The following SLC16A10 variants were observed in gnomAD, a reference collection of about 807,000 sequenced individuals.
The protein encoded by SLC16A10 is monocarboxylate transporter 10.
Under a neutral mutation model 40.0 loss-of-function variants are expected in SLC16A10, and 27 were observed. The observed-to-expected ratio is 0.67, with a 90% CI of 0.50 to 0.93. The LOEUF is 0.93. Ranked by LOEUF, SLC16A10 falls within the 40% of genes least tolerant of loss-of-function variation. SLC16A10 has a pLI of 0.00. For missense variants in SLC16A10, 529 were observed against 658.2 expected, an observed-to-expected ratio of 0.80 and a Z score of 2.15; for synonymous variants, 213 against 249.8, an observed-to-expected ratio of 0.85 and a Z score of 1.39.
Position 111,095,259 on chromosome 6 carries a change from C to T in SLC16A10, c.343+7164C>T, listed in dbSNP as rs536437956. Among the ~76,000 whole-genome samples the T allele has an allele frequency of 6.6e-5, 10 of 152,290 alleles. No homozygotes were observed. In the East Asian group the frequency reaches 1.9e-3, roughly 29 times the overall value. ...CCTCTGTACCTTTGTGTGTGCCACT[C>T]CTGTCTTCAGTGCGATGGTTGGTCC... On this transcript the variant is annotated intron_variant, in intron 1 of 5. Coordinates refer to ENST00000368851, the MANE Select transcript of SLC16A10 (RefSeq NM_018593.5).
At chr6:111,116,033 C>T (rs1771480615) in intron 1 of SLC16A10, among the ~76,000 whole-genome samples, 1 of 152,016 alleles carries the variant, frequency 6.6e-6, no homozygotes, top group African/African-American at 2.4e-5. Flanking sequence ...GTTTTAATGT[C>T]CTTACTGTTA....
chr6:111,188,287 CTTCT>C (rs1235293170), intron 3 of SLC16A10, among the ~76,000 whole-genome samples: 1 of 151,302 alleles, frequency 6.6e-6, no homozygotes, highest in Non-Finnish European at 1.5e-5. Context: ...CCCTCCCTTC[CTTCT>C]TTCTTCCCTC....
intron 1 of SLC16A10, among the ~76,000 whole-genome samples, chr6:111,138,235 T>C (rs879531371): frequency 4.6e-5 from 7 of 152,206 alleles, no homozygotes; most frequent in Non-Finnish European, 1.0e-4. Flanking sequence ...TATTACTTAG[T>C]AAGAGTTGGA....
chr6:111,196,805 ATTAAT>A (rs1562430115), intron 3 of SLC16A10, among the ~76,000 whole-genome samples: 1 of 152,196 alleles, frequency 6.6e-6, no homozygotes, highest in African/African-American at 2.4e-5. Flanking sequence ...TAATCTAGAG[ATTAAT>A]TAAAGTATAC....
intron 3 of SLC16A10, among the ~76,000 whole-genome samples, chr6:111,183,849 C>T (rs1772847407): frequency 6.6e-6 from 1 of 152,136 alleles, no homozygotes; most frequent in Non-Finnish European, 1.5e-5. Context: ...CTCAAAGAGT[C>T]TGGAGTGGTG....
At chr6:111,098,387 A>G (rs6934341) in intron 1 of SLC16A10, among the ~76,000 whole-genome samples, 125,357 of 152,068 alleles carry the variant, frequency 0.82, 51,768 homozygotes, top group Non-Finnish European at 0.86. Context: ...GTGAGACCCC[A>G]TCTCTACTTT....
chr6:111,177,548 G>T lies in SLC16A10; in HGVS notation c.825G>T (p.Lys275Asn), dbSNP rs1168879277. The T allele has an allele frequency of 6.2e-7, 1 of 1,612,880 alleles. No individual in the cohort carries two copies. Among genetic ancestry groups the T allele is most frequent in the Non-Finnish European group, 8.5e-7 (1 of 1,179,694 alleles). The change falls in exon 3 of 6, where the codon AAG becomes AAT. Residue 275 changes from lysine to asparagine, a missense_variant. Transcript: ENST00000368851. ...GSGSSLFSRK[K>N]FSPPKKIFNF... ...GATCCTCCCTCTTTTCCAGGAAAAA[G>T]TTCAGTCCTCCAAAAAAAATTTTCA...
At chr6:111,136,557 G>A (rs111914634) in intron 1 of SLC16A10, among the ~76,000 whole-genome samples, 26 of 152,312 alleles carry the variant, frequency 1.7e-4, no homozygotes, top group Non-Finnish European at 2.9e-4. Flanking sequence ...CTGTGACTGC[G>A]CACTTGTGCA....
rs1330121654 is a variant in SLC16A10 at position 111,228,532 on chromosome 6, T to G, written c.*6297T>G. On this transcript the variant is annotated 3_prime_UTR_variant, in exon 6 of 6. Coordinates refer to ENST00000368851, the MANE Select transcript of SLC16A10 (RefSeq NM_018593.5). ...ACACTTAGAACTCAAATTAGATTGG[T>G]AATACTATTTTGGAGCCTGTGATGT... is the stretch of plus-strand genomic sequence containing the variant. 1 of 152,214 alleles carries G rather than the reference T, an allele frequency of 6.6e-6. No individual in the cohort carries two copies. The highest frequency in any genetic ancestry group is 1.5e-5 in the Non-Finnish European group (1 of 68,038). The allele number at this position is 152,214 out of a possible 1,614,324, so 9.4% of individuals were successfully genotyped here.
intron 3 of SLC16A10, among the ~76,000 whole-genome samples, chr6:111,190,748 A>G (rs1291311699): frequency 6.6e-6 from 1 of 152,224 alleles, no homozygotes; most frequent in Non-Finnish European, 1.5e-5. Flanking sequence ...TGGTGCAGCT[A>G]GGATACAGTA....
chr6:111,176,659 C>T (rs560719632), intron 2 of SLC16A10, among the ~76,000 whole-genome samples: 12 of 152,326 alleles, frequency 7.9e-5, no homozygotes, highest in Non-Finnish European at 1.8e-4. Flanking sequence ...CAAAAACAGG[C>T]ACAACTGCAC....
At chr6:111,169,887 G>C (rs1422866224) in intron 1 of SLC16A10, among the ~76,000 whole-genome samples, 3 of 150,132 alleles carry the variant, frequency 2.0e-5, no homozygotes, top group Admixed American at 6.7e-5. Flanking sequence ...ACAGAAACTT[G>C]TGCAAGGGTT....
Position 111,224,479 on chromosome 6 carries a change from A to G in SLC16A10, c.*2244A>G, listed in dbSNP as rs551104046. ...ATATTAAAACAGCAGTGACAAGTAT[A>G]TATAACTTAGATCTCAGCATATGTG... is the stretch of plus-strand genomic sequence containing the variant. On this transcript the variant is annotated 3_prime_UTR_variant, in exon 6 of 6. Transcript: ENST00000368851. 6.6e-6 allele frequency: 1 copy of G among 152,336 alleles called. No individual in the cohort carries two copies. Among genetic ancestry groups the G allele is most frequent in the African/African-American group, 2.4e-5 (1 of 41,586 alleles). The allele number at this position is 152,336 out of a possible 1,614,324, so 9.4% of individuals were successfully genotyped here.
At chr6:111,143,199 C>T (rs1772014598) in intron 1 of SLC16A10, among the ~76,000 whole-genome samples, 1 of 152,272 alleles carries the variant, frequency 6.6e-6, no homozygotes, top group Non-Finnish European at 1.5e-5. Context: ...CCTGCCTCAG[C>T]CTCCCAAGTA....
chr6:111,218,031 G>A (rs1770801651), intron 4 of SLC16A10, among the ~76,000 whole-genome samples: 1 of 152,092 alleles, frequency 6.6e-6, no homozygotes, highest in Non-Finnish European at 1.5e-5. Context: ...AACTGAAAGT[G>A]TTCAATGGCT....
intron 1 of SLC16A10, among the ~76,000 whole-genome samples, chr6:111,140,868 C>T (rs1352174499): frequency 6.6e-6 from 1 of 152,122 alleles, no homozygotes; most frequent in Non-Finnish European, 1.5e-5. Context: ...TCACTGCAAC[C>T]TCAACTTCCC....
chr6:111,114,804 C>A (rs927678921), intron 1 of SLC16A10, among the ~76,000 whole-genome samples: 4 of 152,088 alleles, frequency 2.6e-5, no homozygotes, highest in Admixed American at 2.6e-4. Context: ...TGGTAAGCAC[C>A]TATAATTTTC....
rs138601627 is a variant in SLC16A10 at position 111,209,716 on chromosome 6, A to G, written c.1086+2981A>G. On this transcript the variant is annotated intron_variant, in intron 4 of 5. Transcript: ENST00000368851. ...GGAGTGGCCAGATAGGCAGGGGGAA[A>G]ACAGGGATGAGAGTGTTTCTAGGGG... Among the ~76,000 whole-genome samples the G allele has an allele frequency of 4.9e-4, 75 of 152,262 alleles. No individual in the cohort carries two copies. In the East Asian group the frequency reaches 0.011, roughly 23 times the overall value.
Position 111,186,369 on chromosome 6 carries a change from T to G in SLC16A10, c.942+8704T>G, listed in dbSNP as rs556167279. On this transcript the variant is annotated intron_variant, in intron 3 of 5. Transcript: ENST00000368851. Reference sequence around the variant, plus strand: ...TTTGTTCAAGTTTGAGGAACCTAAATTAGCCAATTAGATAAGGGTCCTTTC... The same window carrying G: ...TTTGTTCAAGTTTGAGGAACCTAAAGTAGCCAATTAGATAAGGGTCCTTTC... 2.0e-5 allele frequency among the ~76,000 whole-genome samples: 3 copies of G among 152,374 alleles called. No homozygotes were observed. In the South Asian group the frequency reaches 6.2e-4, roughly 32 times the overall value.
Sources: gnomAD v4.1 joint callset for allele counts (sites outside exome capture counted in the v4.1 genomes callset) on GRCh38, gnomAD v4.1.1 for gene constraint, MANE v1.5 for transcripts, NCBI Gene and HGNC (gene_info 2026-07-23, HGNC 2026-07-21) for gene names.